Variants in GRIA4 observed in about 807,000 individuals in gnomAD.
GRIA4 encodes the protein glutamate ionotropic receptor AMPA type subunit 4, also known as glutamate receptor 4.
In GRIA4, 34 loss-of-function variants were observed where a neutral mutation model predicts 104.0. That is an observed-to-expected ratio of 0.33 (90% CI 0.25 to 0.44). The LOEUF is 0.44. Ranked by LOEUF, GRIA4 falls within the 20% of genes least tolerant of loss-of-function variation. GRIA4 has a pLI of 1.00. For missense variants in GRIA4, 750 were observed against 1,096.5 expected, an observed-to-expected ratio of 0.68 and a Z score of 4.46; for synonymous variants, 386 against 381.9, an observed-to-expected ratio of 1.01 and a Z score of -0.13.
intron 13 of GRIA4, among the ~76,000 whole-genome samples, chr11:105,931,647 G>A (rs1300665972): frequency 6.6e-6 from 1 of 152,062 alleles, no homozygotes; most frequent in Non-Finnish European, 1.5e-5. Flanking sequence ...AGAGGTTGTA[G>A]TGAGCCAAGA....
chr11:105,934,933 C>A (rs532386759), intron 14 of GRIA4, among the ~76,000 whole-genome samples: 1 of 152,266 alleles, frequency 6.6e-6, no homozygotes, highest in East Asian at 1.9e-4. Context: ...AAATCAGAAT[C>A]TTTGCCAAAG....
chr11:105,928,612 A>C (rs1336356562), intron 13 of GRIA4, among the ~76,000 whole-genome samples: 1 of 152,058 alleles, frequency 6.6e-6, no homozygotes, highest in African/African-American at 2.4e-5. Context: ...GCACCAAAAT[A>C]AAATACAAGT....
intron 3 of GRIA4, among the ~76,000 whole-genome samples, chr11:105,622,735 T>C (rs1394920225): frequency 6.6e-6 from 1 of 151,880 alleles, no homozygotes; most frequent in Non-Finnish European, 1.5e-5. Flanking sequence ...TTTTGTTACA[T>C]GTATAGATTG....
At chr11:105,870,732 G>C (rs1220693533) in intron 5 of GRIA4, among the ~76,000 whole-genome samples, 1 of 152,004 alleles carries the variant, frequency 6.6e-6, no homozygotes, top group African/African-American at 2.4e-5. Context: ...AGATTGCCAA[G>C]GCAAATTAAA....
At chr11:105,809,354 T>C (rs928812221) in intron 4 of GRIA4, among the ~76,000 whole-genome samples, 1 of 152,160 alleles carries the variant, frequency 6.6e-6, no homozygotes, top group African/African-American at 2.4e-5. Flanking sequence ...CATTTATTTG[T>C]GTTGGCAATA....
At chr11:105,821,338 G>A (rs1392482768) in intron 4 of GRIA4, among the ~76,000 whole-genome samples, 2 of 152,024 alleles carry the variant, frequency 1.3e-5, no homozygotes, top group South Asian at 2.1e-4. Flanking sequence ...GTATTAGGTC[G>A]TTCTTGCATT....
At chr11:105,720,118 ATTT>A (rs879725172) in intron 3 of GRIA4, among the ~76,000 whole-genome samples, 2 of 144,808 alleles carry the variant, frequency 1.4e-5, no homozygotes, top group Admixed American at 1.4e-4. Flanking sequence ...CTAAACCAGT[ATTT>A]TTTTTTTTTA....
chr11:105,768,352 T>C lies in GRIA4; in HGVS notation c.487+15132T>C, dbSNP rs78479815. 9.3e-3 allele frequency among the ~76,000 whole-genome samples: 1,412 copies of C among 152,100 alleles called. 19 individuals are homozygous for C. Among genetic ancestry groups the C allele is most frequent in the East Asian group, 0.054 (278 of 5,166 alleles). On this transcript the variant is annotated intron_variant, in intron 4 of 16. Transcript: ENST00000282499. ...ATAAAGGATGATATTGGCATAAAAA[T>C]AGTAGCACTTAAAAATTAAGATTTG...
Position 105,885,228 on chromosome 11 carries a change from T to C in GRIA4, c.673-2291T>C, listed in dbSNP as rs889345817. Among the ~76,000 whole-genome samples, 7 of 152,160 alleles carry C rather than the reference T, an allele frequency of 4.6e-5. No individual in the cohort carries two copies. The South Asian group carries it at 1.2e-3, about 27-fold the overall frequency. ...GACTGGAGATTCCCAGAAAATAAGATGGCTCCATCCTGCTCCACCCATGTT... is the reference window on the plus strand; with the variant it reads ...GACTGGAGATTCCCAGAAAATAAGACGGCTCCATCCTGCTCCACCCATGTT... On this transcript the variant is annotated intron_variant, in intron 5 of 16. Transcript: ENST00000282499.
intron 3 of GRIA4, among the ~76,000 whole-genome samples, chr11:105,637,930 A>C (rs928821765): frequency 1.3e-5 from 2 of 152,150 alleles, no homozygotes; most frequent in African/African-American, 4.8e-5. Context: ...TCTGAGTCTA[A>C]ATTCTTTTTT....
chr11:105,622,007 T>C (rs919017915), intron 3 of GRIA4, among the ~76,000 whole-genome samples: 1 of 151,848 alleles, frequency 6.6e-6, no homozygotes, highest in Non-Finnish European at 1.5e-5. Context: ...TTTTTTCCTT[T>C]ACAAATGTTT....
intron 4 of GRIA4, among the ~76,000 whole-genome samples, chr11:105,844,056 T>A (rs1238504157): frequency 6.6e-6 from 1 of 152,234 alleles, no homozygotes; most frequent in African/African-American, 2.4e-5. Flanking sequence ...GGTTTGTACC[T>A]GATATCCTAG....
intron 4 of GRIA4, among the ~76,000 whole-genome samples, chr11:105,784,286 A>C (rs1420528422): frequency 6.6e-6 from 1 of 152,234 alleles, no homozygotes; most frequent in African/African-American, 2.4e-5. Flanking sequence ...ATTGCAATAC[A>C]ATTTAGTGGC....
At position 105,932,757 on chromosome 11, in the gene GRIA4, G is replaced by GA. The variant is rs921359905; in HGVS notation, c.2047-960dup. Among the ~76,000 whole-genome samples, 66 of 152,186 alleles carry GA rather than the reference G, an allele frequency of 4.3e-4. 1 individual carries two copies. Among genetic ancestry groups the GA allele is most frequent in the African/African-American group, 1.6e-3 (65 of 41,550 alleles). On this transcript the variant is annotated intron_variant, in intron 13 of 16. Coordinates refer to ENST00000282499, the MANE Select transcript of GRIA4 (RefSeq NM_000829.4). The stretch of plus-strand genomic sequence containing the variant: ...TATGTTCTATTTGAAAATTTTCTCA[G>GA]AAAAAGTCTAAAAATGTTTCAATCA...
At chr11:105,706,672 A>G (rs1421960497) in intron 3 of GRIA4, 1 of 152,568 alleles carries the variant, frequency 6.6e-6, no homozygotes, top group Non-Finnish European at 1.5e-5. Flanking sequence ...GAGAGGTGTG[A>G]TGTTAGCCCT....
At position 105,903,958 on chromosome 11, in the gene GRIA4, G is replaced by T. The variant is rs1320466480; in HGVS notation, c.1030G>T (p.Asp344Tyr). The change falls in exon 8 of 17, where the codon GAC becomes TAC. Residue 344 changes from aspartate to tyrosine, a missense_variant. Physicochemically the swap from Asp to Tyr is radical, Grantham distance 160. Transcript: ENST00000282499. Reference sequence around the variant, plus strand: ...TGCTGCTCCATGGGGCCAGGGAATTGACATGGAGAGGACACTCAAACAGGT... The same window carrying T: ...TGCTGCTCCATGGGGCCAGGGAATTTACATGGAGAGGACACTCAAACAGGT... ...NPAAPWGQGI[D>Y]MERTLKQVRI... The T allele has an allele frequency of 1.2e-6, 2 of 1,611,360 alleles. No homozygotes were observed.
rs189698558 is a variant in GRIA4 at position 105,732,360 on chromosome 11, A to T, written c.248-20621A>T. Among the ~76,000 whole-genome samples, 640 of 152,278 alleles carry T rather than the reference A, an allele frequency of 4.2e-3. 2 individuals are homozygous for T. Among genetic ancestry groups the T allele is most frequent in the Non-Finnish European group, 6.8e-3 (465 of 68,016 alleles). ...GTGGAGGGCGTGAACCAGCAGTAGC[A>T]TTAGAAGCTGCTGTTGTGTGGAGAG... On this transcript the variant is annotated intron_variant, in intron 3 of 16. Transcript: ENST00000282499.
intron 6 of GRIA4, among the ~76,000 whole-genome samples, chr11:105,893,056 T>A (rs932952507): frequency 6.6e-6 from 1 of 152,138 alleles, no homozygotes; most frequent in African/African-American, 2.4e-5. Context: ...ATGTATGAAC[T>A]ACAAATAGAA....
Position 105,933,878 on chromosome 11 carries a change from G to A in GRIA4, c.2203G>A (p.Glu735Lys). 6.2e-7 allele frequency: 1 copy of A among 1,613,406 alleles called. No homozygotes were observed. Reference sequence around the variant, plus strand: ...GGAGTCCACTATGAATGAATACATTGAGCAGCGAAAGCCATGTGACACGAT... The same window carrying A: ...GGAGTCCACTATGAATGAATACATTAAGCAGCGAAAGCCATGTGACACGAT... Reference protein sequence around the residue: ...LLESTMNEYIEQRKPCDTMKV... With the variant: ...LLESTMNEYIKQRKPCDTMKV... Residue 735 changes from glutamate (E) to lysine (K), a missense_variant, in exon 14 of 17, where the codon GAG (glutamate) becomes AAG (lysine). Physicochemically the swap from Glu to Lys is moderately conservative, Grantham distance 56. Transcript: ENST00000282499.
Sources: gnomAD v4.1 joint callset for allele counts (sites outside exome capture counted in the v4.1 genomes callset) on GRCh38, gnomAD v4.1.1 for gene constraint, MANE v1.5 for transcripts, NCBI Gene and HGNC (gene_info 2026-07-23, HGNC 2026-07-21) for gene names.